Variants in RIT2 observed in about 807,000 individuals in gnomAD.
RIT2 encodes the protein GTP-binding protein Rit2.
Under a neutral mutation model 23.7 loss-of-function variants are expected in RIT2, and 24 were observed. That is an observed-to-expected ratio of 1.01 (90% CI 0.73 to 1.43). RIT2 has a LOEUF of 1.43. Ranked by LOEUF, RIT2 falls within the 40% of genes most tolerant of loss-of-function variation. The pLI is 0.00. For synonymous variants in RIT2, 107 were observed against 91.1 expected (o/e 1.17, Z -0.99); for missense variants, 236 against 266.9 (o/e 0.88, Z 0.81).
At chr18:42,749,634 A>G (rs1177199071) in intron 4 of RIT2, among the ~76,000 whole-genome samples, 1 of 151,818 alleles carries the variant, frequency 6.6e-6, no homozygotes, top group South Asian at 2.1e-4. Context: ...GAAATAGTGT[A>G]TATCAGTTCA....
intron 4 of RIT2, among the ~76,000 whole-genome samples, chr18:42,888,108 T>C (rs1022923202): frequency 6.6e-6 from 1 of 152,080 alleles, no homozygotes; most frequent in African/African-American, 2.4e-5. Context: ...TCAAAATACA[T>C]AGGAAGTACA....
At chr18:42,922,254 G>A (rs958521714) in intron 4 of RIT2, among the ~76,000 whole-genome samples, 4 of 152,198 alleles carry the variant, frequency 2.6e-5, no homozygotes, top group African/African-American at 4.8e-5. Flanking sequence ...AAAACTTAAA[G>A]CATATTAAGC....
chr18:42,919,542 C>T lies in RIT2; in HGVS notation c.426+4030G>A, dbSNP rs113131014. ...CAGCCTGGCCAACATAGTGAAACCA[C>T]GTCTTTACTAAAAATACAAAAATTA... On this transcript the variant is annotated intron_variant, in intron 4 of 4. Transcript: ENST00000326695. 4.6e-3 allele frequency among the ~76,000 whole-genome samples: 700 copies of T among 151,796 alleles called. 8 individuals are homozygous for T. The highest frequency in any genetic ancestry group is 0.016 in the African/African-American group (650 of 41,408).
chr18:42,917,652 A>G (rs1053392436), intron 4 of RIT2, among the ~76,000 whole-genome samples: 3 of 152,128 alleles, frequency 2.0e-5, no homozygotes, highest in African/African-American at 7.2e-5. Flanking sequence ...AATGTTTTAA[A>G]CAATTGTTGT....
At chr18:42,924,640 G>T (rs2144135734) in intron 3 of RIT2, among the ~76,000 whole-genome samples, 1 of 152,110 alleles carries the variant, frequency 6.6e-6, no homozygotes, top group South Asian at 2.1e-4. Flanking sequence ...AGCAATGAAA[G>T]AACAAAAGAG....
At chr18:42,902,939 T>C (rs941888519) in intron 4 of RIT2, among the ~76,000 whole-genome samples, 1 of 151,776 alleles carries the variant, frequency 6.6e-6, no homozygotes, top group Admixed American at 6.6e-5. Context: ...AAACAAAATG[T>C]ATTTATATAT....
chr18:43,068,810 C>T (rs73954403), intron 1 of RIT2, among the ~76,000 whole-genome samples: 16,118 of 151,862 alleles, frequency 0.11, 920 homozygotes, highest in Non-Finnish European at 0.12. Context: ...AATAAGAAGA[C>T]AAGAGGCTTC....
chr18:43,106,750 T>C (rs1913832715), intron 1 of RIT2, among the ~76,000 whole-genome samples: 1 of 152,156 alleles, frequency 6.6e-6, no homozygotes. Context: ...ACCAGAACTA[T>C]CAATACTCTC....
At chr18:42,874,177 G>A (rs1907689901) in intron 4 of RIT2, among the ~76,000 whole-genome samples, 1 of 152,090 alleles carries the variant, frequency 6.6e-6, no homozygotes, top group Admixed American at 6.6e-5. Context: ...TAGAATATTA[G>A]CTCATGATAT....
At chr18:43,004,359 G>A (rs1196565309) in intron 2 of RIT2, among the ~76,000 whole-genome samples, 1 of 151,826 alleles carries the variant, frequency 6.6e-6, no homozygotes, top group African/African-American at 2.4e-5. Flanking sequence ...ATTCAGAACT[G>A]AAGTTAGAGG....
chr18:42,945,279 A>G (rs891089883), intron 3 of RIT2, among the ~76,000 whole-genome samples: 3 of 152,056 alleles, frequency 2.0e-5, no homozygotes, highest in African/African-American at 7.2e-5. Context: ...TATTTATTAC[A>G]TAAGAGTCTT....
intron 2 of RIT2, among the ~76,000 whole-genome samples, chr18:43,032,370 C>T (rs1035464095): frequency 4.0e-5 from 6 of 151,896 alleles, no homozygotes; most frequent in Non-Finnish European, 5.9e-5. Flanking sequence ...CCAATACATA[C>T]AAAGCTTAAA....
intron 4 of RIT2, among the ~76,000 whole-genome samples, chr18:42,863,192 A>G (rs923312953): frequency 2.0e-5 from 3 of 152,192 alleles, no homozygotes; most frequent in Non-Finnish European, 4.4e-5. Flanking sequence ...TTACTGTGTT[A>G]TGCCAGCAAA....
At chr18:43,067,555 A>G (rs1912799798) in intron 1 of RIT2, among the ~76,000 whole-genome samples, 1 of 152,196 alleles carries the variant, frequency 6.6e-6, no homozygotes, top group Non-Finnish European at 1.5e-5. Flanking sequence ...CTTCTTGTTT[A>G]TAAGTAGATT....
At chr18:42,767,862 C>T (rs2143910791) in intron 4 of RIT2, among the ~76,000 whole-genome samples, 1 of 152,238 alleles carries the variant, frequency 6.6e-6, no homozygotes, top group African/African-American at 2.4e-5. Flanking sequence ...TCCACTTTTG[C>T]TTCTCCCACA....
At chr18:42,801,600 C>T (rs1718097317) in intron 4 of RIT2, among the ~76,000 whole-genome samples, 1 of 152,118 alleles carries the variant, frequency 6.6e-6, no homozygotes, top group Non-Finnish European at 1.5e-5. Flanking sequence ...AAAGATTTCC[C>T]ATCTGAAATT....
At chr18:42,864,640 C>T (rs1264958680) in intron 4 of RIT2, among the ~76,000 whole-genome samples, 1 of 152,156 alleles carries the variant, frequency 6.6e-6, no homozygotes, top group African/African-American at 2.4e-5. Flanking sequence ...GTGCTATTTA[C>T]ACCATGCCAC....
At chr18:43,079,684 G>C (rs1391125980) in intron 1 of RIT2, among the ~76,000 whole-genome samples, 1 of 152,128 alleles carries the variant, frequency 6.6e-6, no homozygotes, top group African/African-American at 2.4e-5. Context: ...TTTTCCATTT[G>C]ATATTTTAAG....
chr18:42,842,139 C>T (rs940260151), intron 4 of RIT2, among the ~76,000 whole-genome samples: 1 of 152,164 alleles, frequency 6.6e-6, no homozygotes, highest in South Asian at 2.1e-4. Context: ...GAAAACATTC[C>T]TTTAATGTCT....
Sources: gnomAD v4.1 joint callset for allele counts (sites outside exome capture counted in the v4.1 genomes callset) on GRCh38, gnomAD v4.1.1 for gene constraint, MANE v1.5 for transcripts, NCBI Gene and HGNC (gene_info 2026-07-23, HGNC 2026-07-21) for gene names.